The following ZNF397 variants were observed in gnomAD, a reference collection of about 807,000 sequenced individuals.
ZNF397 encodes the protein zinc finger protein 397.
ZNF397 carries 38 observed loss-of-function variants against 50.6 expected under a neutral mutation model. That is an observed-to-expected ratio of 0.75 (90% confidence interval 0.58 to 0.98). The LOEUF (loss-of-function observed/expected upper bound fraction) is 0.98, where lower values mean the gene tolerates loss of function less well. Among genes scored for constraint, ZNF397 ranks in the 50% least tolerant of loss-of-function variants. ZNF397 has a pLI of 0.00. For missense variants in ZNF397, 624 were observed against 624.1 expected (o/e 1.00, Z 0.00); for synonymous variants, 228 against 215.2 (o/e 1.06, Z -0.52).
chr18:35,243,468 C>T (rs994677905), intron 3 of ZNF397, 175 bp downstream of exon 3: 5 of 794,766 alleles, frequency 6.3e-6, no homozygotes, highest in Admixed American at 2.3e-5. Flanking sequence ...GCTGTCAGCC[C>T]TCCTGTGTGA....
chr18:35,243,614 A>T (rs768071908), intron 3 of ZNF397: 21 of 584,698 alleles, frequency 3.6e-5, no homozygotes, highest in African/African-American at 7.5e-5. Context: ...GGCAGTTGCA[A>T]TGTAGTAAAT....
rs879008742 is a variant in ZNF397, at chr18:35,246,707, TAAA to T, written c.*411_*413del. On this transcript the variant is annotated 3_prime_UTR_variant, in exon 4 of 4. Transcript: ENST00000330501. ...GTGTGAGGCACTTCGTCTCAGGAAC[TAAA>T]AAAAAAAAAAAAACTGACCCAATAA... 8 of 932,928 alleles carry T rather than the reference TAAA, an allele frequency of 8.6e-6. No homozygotes were observed. The highest frequency in any genetic ancestry group is 5.4e-4 in the Middle Eastern group (1 of 1,838). 57.8% of individuals were successfully genotyped at this position (932,928 alleles called of 1,614,324 possible).
downstream of ZNF397, chr18:35,259,021 G>A (rs543816468): frequency 1.9e-5 from 3 of 154,128 alleles, no homozygotes; most frequent in Middle Eastern, 5.3e-4. Context: ...ATGGACATAA[G>A]GAAGAATTTT....
rs779898290 is a variant in ZNF397, at chr18:35,242,444, C to G, written c.-27C>G. The G allele has an allele frequency of 5.0e-6, 8 of 1,596,792 alleles. No homozygotes were observed. In the African/African-American group the frequency reaches 9.4e-5, roughly 19 times the overall value. ...CAAGCACAGAACCAGTTGTACTGAG[C>G]TTTTTGCTAAGCTGTTTCAGCCAAG... On this transcript the variant is annotated 5_prime_UTR_variant, in exon 2 of 4. Coordinates refer to ENST00000330501, the MANE Select transcript of ZNF397 (RefSeq NM_001135178.3).
At chr18:35,258,793 C>G (rs2043930516), downstream of ZNF397, 1 of 140,632 alleles carries the variant, frequency 7.1e-6, no homozygotes, top group African/African-American at 2.6e-5. Flanking sequence ...TCACTTGAAC[C>G]CAGGAGTTGG....
intron 3 of ZNF397, 196 bp downstream of exon 3, chr18:35,243,489 T>C (rs926883520): frequency 4.3e-6 from 3 of 690,824 alleles, no homozygotes; most frequent in Admixed American, 2.5e-5. Flanking sequence ...GTTTCCCTGT[T>C]ATTCATTCAT....
intron 3 of ZNF397, among the ~76,000 whole-genome samples, chr18:35,244,776 C>T (rs376945165): frequency 1.4e-4 from 2 of 14,126 alleles, no homozygotes; most frequent in Non-Finnish European, 4.2e-4. Context: ...CGGTGGGGGG[C>T]GGGGGAGGAC....
intron 3 of ZNF397, 111 bp downstream of exon 3, chr18:35,243,404 A>G (rs1401148935): frequency 1.3e-6 from 2 of 1,520,552 alleles, no homozygotes; most frequent in East Asian, 4.5e-5. Context: ...CACCTTTATT[A>G]TTCTAAACCA....
Position 35,246,341 on chromosome 18 carries a change from TCA to T in ZNF397, c.*32_*33del. Reference sequence around the variant, plus strand: ...GAATACTGTGAATAGTGTAAATACTTCAGTCAGATTTTTAAGTTTGTTAGTCA... The same window carrying T: ...GAATACTGTGAATAGTGTAAATACTTGTCAGATTTTTAAGTTTGTTAGTCA... On this transcript the variant is annotated 3_prime_UTR_variant, in exon 4 of 4. Transcript: ENST00000330501. 2.0e-6 allele frequency: 3 copies of T among 1,481,022 alleles called. No homozygotes were observed. Among genetic ancestry groups the T allele is most frequent in the South Asian group, 2.8e-5 (2 of 71,600 alleles). 91.7% of individuals were successfully genotyped at this position (1,481,022 alleles called of 1,614,324 possible).
chr18:35,245,974 A>G lies in ZNF397; in HGVS notation c.1269A>G (p.Arg423=), dbSNP rs1233122412. ...ATCAGCGAATTCACACAGGAGAGAGACCCTATGAATGTAATGAATGTGGAA... is the reference window on the plus strand; with the variant it reads ...ATCAGCGAATTCACACAGGAGAGAGGCCCTATGAATGTAATGAATGTGGAA... ...IRHQRIHTGE[R]PYECNECGKA... is the part of the protein sequence containing the mutation. The change falls in exon 4 of 4, where the codon AGA becomes AGG. Residue 423 remains arginine, a synonymous_variant. Coordinates refer to ENST00000330501, the MANE Select transcript of ZNF397 (RefSeq NM_001135178.3). 1.3e-6 allele frequency: 2 copies of G among 1,582,556 alleles called. No homozygotes were observed. Among genetic ancestry groups the G allele is most frequent in the Middle Eastern group, 1.7e-4 (1 of 6,040 alleles).
In ZNF397 at chr18:35,248,270, C is replaced by T. The variant is rs1242694883; in HGVS notation, c.*1960C>T. On this transcript the variant is annotated 3_prime_UTR_variant, in exon 4 of 4. Transcript: ENST00000330501. ...TAAAAAGAAGCAAAGAGAAGTAATG[C>T]TCTTATTGGGGCGTGCATCAGTGGA... 2.0e-5 allele frequency: 3 copies of T among 152,160 alleles called. No individual in the cohort carries two copies. The highest frequency in any genetic ancestry group is 4.4e-5 in the Non-Finnish European group (3 of 68,040). 9.4% of individuals were successfully genotyped at this position (152,160 alleles called of 1,614,324 possible).
At chr18:35,254,717 G>GCC (rs2043733797), downstream of ZNF397, 2 of 357,256 alleles carry the variant, frequency 5.6e-6, no homozygotes, top group South Asian at 5.7e-5. Context: ...ACGTTTTTAG[G>GCC]TAATGAGATA....
intron 1 of ZNF397, chr18:35,241,712 C>T (rs1401170186): frequency 6.6e-6 from 1 of 152,166 alleles, no homozygotes; most frequent in African/African-American, 2.4e-5. Context: ...ACAGATACGT[C>T]TTGGTTCTTG....
At chr18:35,254,190 G>A, downstream of ZNF397, 5 of 1,614,174 alleles carry the variant, frequency 3.1e-6, no homozygotes, top group Non-Finnish European at 4.2e-6. Flanking sequence ...GAAGGAAGCT[G>A]ACTGATTTTG....
Position 35,246,942 on chromosome 18 carries a change from C to A in ZNF397, c.*632C>A. 1 of 886,368 alleles carries A rather than the reference C, an allele frequency of 1.1e-6. No individual in the cohort carries two copies. The highest frequency in any genetic ancestry group is 1.4e-6 in the Non-Finnish European group (1 of 739,736). The allele number at this position is 886,368 out of a possible 1,614,324, so 54.9% of individuals were successfully genotyped here. ...CTCTACAGTCTAATGGGCAAGGCAG[C>A]CAGACAGGCAGTGAAAGTGGAATGC... On this transcript the variant is annotated 3_prime_UTR_variant, in exon 4 of 4. Coordinates refer to ENST00000330501, the MANE Select transcript of ZNF397 (RefSeq NM_001135178.3).
chr18:35,254,512 A>C, downstream of ZNF397: 1 of 1,529,816 alleles, frequency 6.5e-7, no homozygotes. Context: ...CTAGATTCCC[A>C]ATCTAGAATT....
Position 35,247,271 on chromosome 18 carries a change from G to A in ZNF397, c.*961G>A, listed in dbSNP as rs1287259206. 1.4e-6 allele frequency: 1 copy of A among 736,572 alleles called. No homozygotes were observed. Among genetic ancestry groups the A allele is most frequent in the Non-Finnish European group, 1.7e-6 (1 of 602,406 alleles). The allele number at this position is 736,572 out of a possible 1,614,324, so 45.6% of individuals were successfully genotyped here. ...CAGGGTAGTCAAGAGCTTTGTCTTGGTTTATGTGACCCCAGGGAAAGGGCA... is the reference window on the plus strand; with the variant it reads ...CAGGGTAGTCAAGAGCTTTGTCTTGATTTATGTGACCCCAGGGAAAGGGCA... On this transcript the variant is annotated 3_prime_UTR_variant, in exon 4 of 4. Transcript: ENST00000330501.
rs535941577 is a variant in ZNF397 at position 35,247,523 on chromosome 18, T to C, written c.*1213T>C. On this transcript the variant is annotated 3_prime_UTR_variant, in exon 4 of 4. Coordinates refer to ENST00000330501, the MANE Select transcript of ZNF397 (RefSeq NM_001135178.3). ...GCCATATCATTTGTTTCTGGGGCTA[T>C]ACGCCCACAATTCCTAGTACATTCC... 9 of 152,352 alleles carry C rather than the reference T, an allele frequency of 5.9e-5. No homozygotes were observed. The East Asian group carries it at 1.7e-3, about 29-fold the overall frequency. 9.4% of individuals were successfully genotyped at this position (152,352 alleles called of 1,614,324 possible).
rs373058477 is a variant in ZNF397, at chr18:35,249,133, T to G, written c.*2823T>G. On this transcript the variant is annotated 3_prime_UTR_variant, in exon 4 of 4. Transcript: ENST00000330501. ...ATGTTCAACCTCACTACAGTTAAAATGTATATTAAAGCAAGAGTTGAGATG... is the reference window on the plus strand; with the variant it reads ...ATGTTCAACCTCACTACAGTTAAAAGGTATATTAAAGCAAGAGTTGAGATG... 4 of 152,130 alleles carry G rather than the reference T, an allele frequency of 2.6e-5. No homozygotes were observed. The highest frequency in any genetic ancestry group is 9.7e-5 in the African/African-American group (4 of 41,418). The allele number at this position is 152,130 out of a possible 1,614,324, so 9.4% of individuals were successfully genotyped here.
Sources: gnomAD v4.1 joint callset for allele counts (sites outside exome capture counted in the v4.1 genomes callset) on GRCh38, gnomAD v4.1.1 for gene constraint, MANE v1.5 for transcripts, NCBI Gene and HGNC (gene_info 2026-07-23, HGNC 2026-07-21) for gene names.